DCLK2: variants seen among roughly 807,000 people sequenced by gnomAD.
DCLK2 encodes the protein doublecortin like kinase 2.
DCLK2 carries 31 observed loss-of-function variants against 78.4 expected under a neutral mutation model. The observed-to-expected ratio is 0.40, with a 90% CI of 0.30 to 0.53. DCLK2 has a LOEUF of 0.53. Among genes scored for constraint, DCLK2 ranks in the 20% least tolerant of loss-of-function variants. The pLI is 0.61. For synonymous variants in DCLK2, 407 were observed against 374.9 expected (o/e 1.09, Z -0.99); for missense variants, 872 against 973.7 (o/e 0.90, Z 1.39).
intron 3 of DCLK2, among the ~76,000 whole-genome samples, chr4:150,196,843 A>G (rs1457146941): frequency 6.6e-6 from 1 of 152,174 alleles, no homozygotes; most frequent in Non-Finnish European, 1.5e-5. Flanking sequence ...TTGGTGATTT[A>G]TGGAAAGAAC....
chr4:150,095,297 CT>C lies in DCLK2; in HGVS notation c.422-7179del, dbSNP rs200516836. 5.5e-3 allele frequency among the ~76,000 whole-genome samples: 837 copies of C among 152,276 alleles called. 6 individuals are homozygous for C. The highest frequency in any genetic ancestry group is 0.019 in the African/African-American group (795 of 41,560). ...CAACAACAGCCTGGCTCTTGCTTTT[CT>C]TCATGATTTTACCGCCTATGAAGGC... On this transcript the variant is annotated intron_variant, in intron 1 of 15. Transcript: ENST00000296550.
chr4:150,256,499 G>A lies in DCLK2; in HGVS notation c.*252G>A, dbSNP rs925965868. ...TGCCAACAGCTGTTCGGAGAGACTC[G>A]TTCCAGATCATCCCGTCATTTTCAG... On this transcript the variant is annotated 3_prime_UTR_variant, in exon 16 of 16. Transcript: ENST00000296550. 6 of 456,876 alleles carry A rather than the reference G, an allele frequency of 1.3e-5. No homozygotes were observed. Among genetic ancestry groups the A allele is most frequent in the Admixed American group, 3.9e-5 (1 of 25,540 alleles). The allele number at this position is 456,876 out of a possible 1,614,324, so 28.3% of individuals were successfully genotyped here.
intron 2 of DCLK2, among the ~76,000 whole-genome samples, chr4:150,133,839 A>G (rs1733500437): frequency 6.6e-6 from 1 of 152,176 alleles, no homozygotes; most frequent in Non-Finnish European, 1.5e-5. Context: ...GGGTTGTAGC[A>G]AAGCAGGGAG....
At chr4:150,158,826 C>T (rs949759296) in intron 2 of DCLK2, among the ~76,000 whole-genome samples, 11 of 151,892 alleles carry the variant, frequency 7.2e-5, no homozygotes, top group African/African-American at 2.7e-4. Context: ...GGCCACTGCA[C>T]TCCAGCTGAG....
chr4:150,221,881 TA>T (rs1306323352), intron 7 of DCLK2, 96 bp downstream of exon 7: 1 of 825,798 alleles, frequency 1.2e-6, no homozygotes, highest in Non-Finnish European at 1.8e-6. Context: ...AGTTTATTCT[TA>T]ATTTTAAAAA....
chr4:150,211,968 A>G (rs1416211844), intron 5 of DCLK2, among the ~76,000 whole-genome samples: 4 of 152,208 alleles, frequency 2.6e-5, no homozygotes, highest in African/African-American at 4.8e-5. Flanking sequence ...CAGCTACCAG[A>G]TGGATGAAGA....
At chr4:150,226,720 G>C (rs930590413) in intron 8 of DCLK2, among the ~76,000 whole-genome samples, 2 of 152,016 alleles carry the variant, frequency 1.3e-5, no homozygotes, top group Non-Finnish European at 2.9e-5. Flanking sequence ...TTTTTATAAT[G>C]CATGATCAAA....
chr4:150,133,013 T>G (rs943368538), intron 2 of DCLK2, among the ~76,000 whole-genome samples: 1 of 152,228 alleles, frequency 6.6e-6, no homozygotes, highest in African/African-American at 2.4e-5. Context: ...TACTGATGAT[T>G]GATTAACATT....
At chr4:150,092,164 A>G (rs925594832) in intron 1 of DCLK2, among the ~76,000 whole-genome samples, 6 of 152,080 alleles carry the variant, frequency 3.9e-5, no homozygotes, top group African/African-American at 1.4e-4. Context: ...ACTGAATAAT[A>G]TCTCATTGTA....
At chr4:150,220,379 A>C (rs1741092742) in intron 5 of DCLK2, among the ~76,000 whole-genome samples, 1 of 152,234 alleles carries the variant, frequency 6.6e-6, no homozygotes, top group African/African-American at 2.4e-5. Context: ...TATAGTTCTA[A>C]GCCTTATTGT....
At chr4:150,152,305 A>G (rs771169114) in intron 2 of DCLK2, among the ~76,000 whole-genome samples, 36 of 152,188 alleles carry the variant, frequency 2.4e-4, no homozygotes, top group Non-Finnish European at 4.0e-4. Context: ...TTTTTTTGAA[A>G]TGGGATCTCA....
intron 2 of DCLK2, among the ~76,000 whole-genome samples, chr4:150,115,388 G>A (rs554700262): frequency 6.6e-6 from 1 of 151,778 alleles, no homozygotes; most frequent in Non-Finnish European, 1.5e-5. Flanking sequence ...TCTTATTTTG[G>A]ATCCATTGCT....
intron 10 of DCLK2, 150 bp downstream of exon 10, chr4:150,232,978 C>A: frequency 1.0e-6 from 1 of 985,966 alleles, no homozygotes; most frequent in Non-Finnish European, 1.5e-6. Flanking sequence ...CAATGACCAT[C>A]AAATACTAAT....
At chr4:150,242,279 A>C (rs570403839) in intron 12 of DCLK2, among the ~76,000 whole-genome samples, 1 of 152,344 alleles carries the variant, frequency 6.6e-6, no homozygotes, top group South Asian at 2.1e-4. Flanking sequence ...GCTGGAAATC[A>C]CAAGGATGTA....
intron 5 of DCLK2, among the ~76,000 whole-genome samples, chr4:150,216,325 T>C (rs528571631): frequency 6.8e-4 from 104 of 152,350 alleles, no homozygotes; most frequent in African/African-American, 2.2e-3. Context: ...TCTTCTGCTC[T>C]GTTTTCAAGT....
At position 150,249,639 on chromosome 4, in the gene DCLK2, G is replaced by A. The variant is rs78390255; in HGVS notation, c.2028G>A (p.Ala676=). 3.4e-4 allele frequency: 547 copies of A among 1,613,696 alleles called. 2 individuals carry two copies. In the African/African-American group the frequency reaches 5.9e-3, roughly 17 times the overall value. ...AACTAAAACAGCACTTTAATAATGC[G>A]CTCCCCAAACAGAACAGCACTACCA... ...TGKLKQHFNN[A]LPKQNSTTTG... The change falls in exon 15 of 16, where the codon GCG becomes GCA. Residue 676 remains alanine, a synonymous_variant. Coordinates refer to ENST00000296550, the MANE Select transcript of DCLK2 (RefSeq NM_001040260.4).
intron 2 of DCLK2, among the ~76,000 whole-genome samples, chr4:150,179,030 T>C (rs1737292873): frequency 6.6e-6 from 1 of 152,012 alleles, no homozygotes; most frequent in Admixed American, 6.5e-5. Context: ...CAAGATTTCT[T>C]TTCTTTTCTT....
At chr4:150,130,346 G>A (rs566550891) in intron 2 of DCLK2, among the ~76,000 whole-genome samples, 13 of 152,218 alleles carry the variant, frequency 8.5e-5, no homozygotes, top group African/African-American at 2.9e-4. Context: ...AGCCAGAAGA[G>A]TTGGGAAGTG....
chr4:150,208,445 G>A (rs1027502110), intron 5 of DCLK2, among the ~76,000 whole-genome samples: 13 of 150,980 alleles, frequency 8.6e-5, no homozygotes, highest in Non-Finnish European at 1.8e-4. Context: ...GTTTTGAGAC[G>A]GAGTCTTGCT....
Sources: gnomAD v4.1 joint callset for allele counts (sites outside exome capture counted in the v4.1 genomes callset) on GRCh38, gnomAD v4.1.1 for gene constraint, MANE v1.5 for transcripts, NCBI Gene and HGNC (gene_info 2026-07-23, HGNC 2026-07-21) for gene names.